Variants in GABRG3 observed in about 807,000 individuals in gnomAD.
GABRG3 encodes gamma-aminobutyric acid type A receptor subunit gamma3, also known as gamma-aminobutyric acid receptor subunit gamma-3.
GABRG3 carries 25 observed loss-of-function variants against 48.8 expected under a neutral mutation model. The observed-to-expected ratio is 0.51, with a 90% CI of 0.37 to 0.72. The LOEUF (loss-of-function observed/expected upper bound fraction) is 0.72. GABRG3 is among the 30% of genes least tolerant of loss of function. GABRG3 has a pLI of 0.00. For missense variants in GABRG3, 394 were observed against 577.9 expected (o/e 0.68, Z 3.26); for synonymous variants, 227 against 217.6 (o/e 1.04, Z -0.38).
intron 3 of GABRG3, among the ~76,000 whole-genome samples, chr15:27,191,450 G>A (rs1888301471): frequency 6.6e-6 from 1 of 152,162 alleles, no homozygotes; most frequent in African/African-American, 2.4e-5. Context: ...AGCTCTTCTT[G>A]TTGAATTGAT....
intron 6 of GABRG3, among the ~76,000 whole-genome samples, chr15:27,489,214 T>C (rs1463357171): frequency 6.6e-6 from 1 of 152,202 alleles, no homozygotes; most frequent in Non-Finnish European, 1.5e-5. Context: ...GAACTCATCC[T>C]TTTTTATGGC....
chr15:27,469,856 T>C (rs1312116865), intron 5 of GABRG3, among the ~76,000 whole-genome samples: 2 of 152,216 alleles, frequency 1.3e-5, no homozygotes, highest in Non-Finnish European at 2.9e-5. Flanking sequence ...GAACATATCA[T>C]AGGCAGCCCT....
intron 2 of GABRG3, among the ~76,000 whole-genome samples, chr15:26,978,673 C>G (rs1246117774): frequency 6.6e-6 from 1 of 152,078 alleles, no homozygotes; most frequent in Admixed American, 6.6e-5. Context: ...CTGTTTCGCT[C>G]TGTTTTATCT....
In GABRG3 at chr15:27,474,456, G is replaced by GAAATTTTTT. The variant is rs1566857562; in HGVS notation, c.575-6194_575-6193insAAATTTTTT. 2.0e-5 allele frequency among the ~76,000 whole-genome samples: 3 copies of GAAATTTTTT among 152,088 alleles called. No individual in the cohort carries two copies. In the East Asian group the frequency reaches 5.8e-4, roughly 29 times the overall value. On this transcript the variant is annotated intron_variant, in intron 5 of 9. Transcript: ENST00000615808. ...AGAGAGGAAACAAATGGGACAGGAG[G>GAAATTTTTT]TCTTTTCTAATGATTCAAAATTATC...
At chr15:27,169,981 A>G (rs1019693597) in intron 3 of GABRG3, among the ~76,000 whole-genome samples, 2 of 152,204 alleles carry the variant, frequency 1.3e-5, no homozygotes, top group African/African-American at 4.8e-5. Flanking sequence ...CCGGGAAAAT[A>G]CCTTTTAAAA....
intron 3 of GABRG3, among the ~76,000 whole-genome samples, chr15:27,282,458 T>C (rs1428296232): frequency 1.3e-5 from 2 of 152,220 alleles, no homozygotes; most frequent in African/African-American, 4.8e-5. Context: ...AGCTTCAGTT[T>C]ACTGATTGCT....
chr15:27,331,278 A>G (rs1893793356), intron 5 of GABRG3, among the ~76,000 whole-genome samples: 1 of 152,192 alleles, frequency 6.6e-6, no homozygotes, highest in African/African-American at 2.4e-5. Flanking sequence ...GTCCACACCA[A>G]AACTTGCATA....
At chr15:27,004,038 C>CT (rs1301903051) in intron 2 of GABRG3, among the ~76,000 whole-genome samples, 2 of 148,644 alleles carry the variant, frequency 1.3e-5, no homozygotes, top group African/African-American at 5.0e-5. Context: ...GCTGAACCCC[C>CT]AACTCCCTCC....
At chr15:27,163,868 G>A (rs1887286787) in intron 3 of GABRG3, among the ~76,000 whole-genome samples, 1 of 152,166 alleles carries the variant, frequency 6.6e-6, no homozygotes, top group African/African-American at 2.4e-5. Context: ...TGTGTGGCAG[G>A]GAACGTGCAG....
intron 3 of GABRG3, among the ~76,000 whole-genome samples, chr15:27,074,737 C>G (rs1896883591): frequency 6.6e-6 from 1 of 151,628 alleles, no homozygotes; most frequent in East Asian, 1.9e-4. Flanking sequence ...CTGACACTAA[C>G]TGGTGGAGCA....
At chr15:27,209,053 CAG>C (rs2140433497) in intron 3 of GABRG3, among the ~76,000 whole-genome samples, 1 of 152,324 alleles carries the variant, frequency 6.6e-6, no homozygotes, top group East Asian at 1.9e-4. Context: ...GAAATGGAGA[CAG>C]AGGCCAGCAC....
intron 3 of GABRG3, among the ~76,000 whole-genome samples, chr15:27,139,622 A>C (rs1396211053): frequency 6.6e-6 from 1 of 152,166 alleles, no homozygotes; most frequent in African/African-American, 2.4e-5. Flanking sequence ...ATTTTTTCCC[A>C]GAAATTCTAT....
intron 3 of GABRG3, among the ~76,000 whole-genome samples, chr15:27,289,870 C>T (rs1891740916): frequency 6.6e-6 from 1 of 152,082 alleles, no homozygotes; most frequent in Non-Finnish European, 1.5e-5. Context: ...TATACGTGGA[C>T]TAATACACAC....
intron 2 of GABRG3, among the ~76,000 whole-genome samples, chr15:26,991,554 T>G (rs1895248188): frequency 6.6e-6 from 1 of 152,190 alleles, no homozygotes; most frequent in Non-Finnish European, 1.5e-5. Flanking sequence ...TTCCAATCCA[T>G]GAACATAAAA....
chr15:27,226,810 G>A (rs1889635550), intron 3 of GABRG3, among the ~76,000 whole-genome samples: 1 of 152,170 alleles, frequency 6.6e-6, no homozygotes, highest in Admixed American at 6.5e-5. Context: ...TTGTCCCTTT[G>A]GCCATAGCCA....
In GABRG3 at chr15:27,356,608, A is replaced by G. The variant is rs115643625; in HGVS notation, c.574+27720A>G. ...AATTCTGCTTCTTAGATTTAATCCTATAAGTCTAAGAAGGAAAATAAAGGA... is the reference window on the plus strand; with the variant it reads ...AATTCTGCTTCTTAGATTTAATCCTGTAAGTCTAAGAAGGAAAATAAAGGA... On this transcript the variant is annotated intron_variant, in intron 5 of 9. Transcript: ENST00000615808. 2.3e-3 allele frequency among the ~76,000 whole-genome samples: 346 copies of G among 152,312 alleles called. 1 individual carries two copies. The highest frequency in any genetic ancestry group is 7.9e-3 in the African/African-American group (327 of 41,556).
chr15:27,155,969 TTC>T lies in GABRG3; in HGVS notation c.270+129150_270+129151del, dbSNP rs796187268. On this transcript the variant is annotated intron_variant, in intron 3 of 9. Transcript: ENST00000615808. Reference sequence around the variant, plus strand: ...GAAGCCAAGTCCACCATTTTATCTATTCTGTTTGGCTAGAAAAGAGTGGTTAT... The same window carrying T: ...GAAGCCAAGTCCACCATTTTATCTATTGTTTGGCTAGAAAAGAGTGGTTAT... Among the ~76,000 whole-genome samples, 13 of 152,202 alleles carry T rather than the reference TTC, an allele frequency of 8.5e-5. No individual in the cohort carries two copies. The East Asian group carries it at 2.1e-3, about 25-fold the overall frequency.
At chr15:27,513,096 T>C (rs1041832226) in intron 6 of GABRG3, among the ~76,000 whole-genome samples, 13 of 149,462 alleles carry the variant, frequency 8.7e-5, no homozygotes, top group Admixed American at 2.7e-4. Context: ...TGAGAGGAGA[T>C]ATCAAGCAGG....
chr15:27,477,837 A>G lies in GABRG3; in HGVS notation c.575-2813A>G, dbSNP rs370171901. ...GGGCAGATCACAAGGTCAGGAGATC[A>G]AGACCATCCTGGCTAACATGGTGAA... is the stretch of plus-strand genomic sequence containing the variant. On this transcript the variant is annotated intron_variant, in intron 5 of 9. Transcript: ENST00000615808. Among the ~76,000 whole-genome samples, 65 of 152,208 alleles carry G rather than the reference A, an allele frequency of 4.3e-4. No individual in the cohort carries two copies. The East Asian group carries it at 7.0e-3, about 16-fold the overall frequency.
Sources: gnomAD v4.1 joint callset for allele counts (sites outside exome capture counted in the v4.1 genomes callset) on GRCh38, gnomAD v4.1.1 for gene constraint, MANE v1.5 for transcripts, NCBI Gene and HGNC (gene_info 2026-07-23, HGNC 2026-07-21) for gene names.